Variants in DAB1 observed in about 807,000 individuals in gnomAD.
The protein encoded by DAB1 is disabled homolog 1.
DAB1 carries 15 observed loss-of-function variants against 64.6 expected under a neutral mutation model. That is an observed-to-expected ratio of 0.23 (90% CI 0.16 to 0.36). The LOEUF is 0.36. Among genes scored for constraint, DAB1 ranks in the 10% least tolerant of loss-of-function variants. The pLI, the probability that DAB1 is intolerant of heterozygous loss-of-function variation, is 1.00. For missense variants in DAB1, 596 were observed against 706.7 expected, an observed-to-expected ratio of 0.84 and a Z score of 1.78; for synonymous variants, 235 against 251.9, an observed-to-expected ratio of 0.93 and a Z score of 0.64.
chr1:57,032,883 C>A (rs574040997), intron 9 of DAB1, among the ~76,000 whole-genome samples: 1 of 152,294 alleles, frequency 6.6e-6, no homozygotes, highest in South Asian at 2.1e-4. Flanking sequence ...GAATAGCAAC[C>A]TCGCCTGTTT....
At chr1:57,555,181 C>T (rs907443166) in intron 7 of DAB1, among the ~76,000 whole-genome samples, 4 of 151,498 alleles carry the variant, frequency 2.6e-5, no homozygotes, top group African/African-American at 4.9e-5. Flanking sequence ...ACTACAGGCA[C>T]GTGCCCCCAC....
chr1:58,321,344 C>T (rs141979033), intron 4 of DAB1, among the ~76,000 whole-genome samples: 91 of 152,326 alleles, frequency 6.0e-4, no homozygotes, highest in African/African-American at 2.1e-3. Flanking sequence ...CCAAGGTGAT[C>T]GACGCAGAAG....
intron 1 of DAB1, among the ~76,000 whole-genome samples, chr1:57,420,108 C>T (rs1287380917): frequency 6.6e-6 from 1 of 152,246 alleles, no homozygotes; most frequent in African/African-American, 2.4e-5. Context: ...AAGTGCCTAT[C>T]ATTGCCCCAC....
At chr1:57,242,324 A>G (rs926093758) in intron 2 of DAB1, among the ~76,000 whole-genome samples, 9 of 152,088 alleles carry the variant, frequency 5.9e-5, no homozygotes, top group African/African-American at 2.2e-4. Flanking sequence ...TCTGCCTTTC[A>G]TCTTTTAACT....
intron 6 of DAB1, among the ~76,000 whole-genome samples, chr1:57,782,465 GCAAA>G (rs778610622): frequency 6.6e-6 from 1 of 152,050 alleles, no homozygotes; most frequent in African/African-American, 2.4e-5. Flanking sequence ...CTCGATCTGT[GCAAA>G]CACTCAATAT....
At chr1:58,355,067 G>A (rs1005950377) in intron 3 of DAB1, among the ~76,000 whole-genome samples, 1 of 152,122 alleles carries the variant, frequency 6.6e-6, no homozygotes, top group Non-Finnish European at 1.5e-5. Flanking sequence ...TCTCCTGTGT[G>A]CTGTTCTGGG....
chr1:57,838,781 T>C (rs1267239575), intron 1 of DAB1, among the ~76,000 whole-genome samples: 2 of 151,244 alleles, frequency 1.3e-5, no homozygotes, highest in Non-Finnish European at 2.9e-5. Context: ...CTTTTTTTTT[T>C]TTTTCTTTTT....
At chr1:57,561,787 G>A (rs968856918) in intron 7 of DAB1, among the ~76,000 whole-genome samples, 2 of 152,196 alleles carry the variant, frequency 1.3e-5, no homozygotes, top group Non-Finnish European at 2.9e-5. Flanking sequence ...ACTGCTGAGT[G>A]CCAAATTTAC....
chr1:58,006,339 T>C (rs1043596868), intron 5 of DAB1, among the ~76,000 whole-genome samples: 1 of 152,166 alleles, frequency 6.6e-6, no homozygotes, highest in African/African-American at 2.4e-5. Flanking sequence ...ATAGAATCAT[T>C]AATCTTAGAG....
chr1:58,036,201 A>G (rs1347619449), intron 5 of DAB1, among the ~76,000 whole-genome samples: 1 of 152,186 alleles, frequency 6.6e-6, no homozygotes, highest in Non-Finnish European at 1.5e-5. Context: ...TCTAAGCTCT[A>G]TTGTATTAAT....
chr1:58,321,001 A>G (rs562866268), intron 4 of DAB1, among the ~76,000 whole-genome samples: 4 of 152,362 alleles, frequency 2.6e-5, no homozygotes, highest in African/African-American at 9.6e-5. Flanking sequence ...CAGGCATGCC[A>G]TAGTTCCAGC....
At chr1:58,543,799 C>T (rs1646658934) in intron 1 of DAB1, among the ~76,000 whole-genome samples, 1 of 152,108 alleles carries the variant, frequency 6.6e-6, no homozygotes, top group African/African-American at 2.4e-5. Flanking sequence ...ACAGAGGTGG[C>T]AAACTCAAAC....
At chr1:57,621,634 T>A (rs1283317621) in intron 7 of DAB1, among the ~76,000 whole-genome samples, 2 of 152,126 alleles carry the variant, frequency 1.3e-5, no homozygotes, top group Non-Finnish European at 2.9e-5. Context: ...CGCCTCTGGA[T>A]CTGGCATGTG....
chr1:57,435,294 C>T (rs4912253), intron 7 of DAB1, among the ~76,000 whole-genome samples: 16,610 of 152,114 alleles, frequency 0.11, 1,223 homozygotes, highest in Non-Finnish European at 0.17. Flanking sequence ...GGTGATCTGA[C>T]TGCCTCAGCC....
At chr1:58,014,479 T>C (rs1359620702) in intron 5 of DAB1, among the ~76,000 whole-genome samples, 2 of 152,154 alleles carry the variant, frequency 1.3e-5, no homozygotes, top group Non-Finnish European at 2.9e-5. Flanking sequence ...ATTCATGCAG[T>C]TGGGTGGTTT....
chr1:57,978,932 T>TA (rs1447937749), intron 5 of DAB1, among the ~76,000 whole-genome samples: 12 of 152,148 alleles, frequency 7.9e-5, no homozygotes, highest in Non-Finnish European at 1.6e-4. Context: ...GGACAGGATG[T>TA]GGAGAAATAG....
Position 57,779,822 on chromosome 1 carries a change from G to A in DAB1, n.551+104177C>T, listed in dbSNP as rs1649980960. Among the ~76,000 whole-genome samples, 4 of 152,236 alleles carry A rather than the reference G, an allele frequency of 2.6e-5. No individual in the cohort carries two copies. The South Asian group carries it at 8.3e-4, about 32-fold the overall frequency. On this transcript the variant is annotated intron_variant and non_coding_transcript_variant, in intron 6 of 20. Coordinates refer to the DAB1 transcript ENST00000485760. The stretch of plus-strand genomic sequence containing the variant: ...TAAGTCTGAAAACTTTCTACCCACA[G>A]ACAGTTCCCCCATCACACTTTACCT...
intron 2 of DAB1, among the ~76,000 whole-genome samples, chr1:57,189,439 C>A (rs1321772839): frequency 6.6e-6 from 1 of 152,024 alleles, no homozygotes. Flanking sequence ...CTCCCTAATC[C>A]AAAAATAATT....
intron 3 of DAB1, among the ~76,000 whole-genome samples, chr1:58,390,749 T>C (rs1465246717): frequency 6.6e-6 from 1 of 152,150 alleles, no homozygotes; most frequent in Non-Finnish European, 1.5e-5. Flanking sequence ...ATCCTCCCAA[T>C]AGTAGATGAG....
Sources: allele counts gnomAD v4.1 joint callset (sites outside exome capture counted in the v4.1 genomes callset), GRCh38; gene constraint gnomAD v4.1.1; transcripts MANE v1.5; gene names NCBI Gene and HGNC (gene_info 2026-07-23, HGNC 2026-07-21).